Variants in INPP5F observed in about 807,000 individuals in gnomAD.
INPP5F encodes phosphatidylinositide 4-phosphatase SAC2.
A neutral mutation model predicts 137.2 loss-of-function variants in INPP5F; 97 were observed. That is an observed-to-expected ratio of 0.71 (90% CI 0.60 to 0.84). The LOEUF (loss-of-function observed/expected upper bound fraction) is 0.84. Among genes scored for constraint, INPP5F ranks in the 40% least tolerant of loss-of-function variants. The pLI, the probability that INPP5F is intolerant of heterozygous loss-of-function variation, is 0.00. For missense variants in INPP5F, 1,271 were observed against 1,371.9 expected (o/e 0.93, Z 1.16); for synonymous variants, 504 against 476.9 (o/e 1.06, Z -0.74).
intron 3 of INPP5F, among the ~76,000 whole-genome samples, chr10:119,782,956 A>G (rs551176597): frequency 8.7e-4 from 133 of 152,350 alleles, no homozygotes; most frequent in African/African-American, 3.1e-3. Flanking sequence ...TTATGCTTCA[A>G]ATGTCACTGG....
chr10:119,827,492 A>G lies in INPP5F; in HGVS notation c.3111A>G (p.Gln1037=). The G allele has an allele frequency of 6.2e-7, 1 of 1,614,184 alleles. No individual in the cohort carries two copies. The highest frequency in any genetic ancestry group is 8.5e-7 in the Non-Finnish European group (1 of 1,180,030). ...SVEPAHSVAS[Q]KTPTSASSML... ...AGCCAGCGCATTCAGTTGCATCTCA[A>G]AAAACCCCCACCTCCGCTTCCAGCA... The change falls in exon 20 of 20, where the codon CAA becomes CAG. Residue 1037 remains glutamine, a synonymous_variant. Coordinates refer to ENST00000650623, the MANE Select transcript of INPP5F (RefSeq NM_014937.4).
chr10:119,818,498 G>A (rs1851384512), intron 15 of INPP5F, among the ~76,000 whole-genome samples: 1 of 152,224 alleles, frequency 6.6e-6, no homozygotes, highest in African/African-American at 2.4e-5. Context: ...CGCAGGCACT[G>A]TCCCTGACGA....
chr10:119,788,369 G>C (rs973150528), intron 3 of INPP5F, among the ~76,000 whole-genome samples: 2 of 152,114 alleles, frequency 1.3e-5, no homozygotes, highest in Admixed American at 6.5e-5. Context: ...AGAGAGTTAA[G>C]GGTAGAACAC....
At chr10:119,794,712 C>T (rs1850272538) in intron 6 of INPP5F, among the ~76,000 whole-genome samples, 1 of 148,270 alleles carries the variant, frequency 6.7e-6, no homozygotes, top group Non-Finnish European at 1.5e-5. Context: ...CCCCCACCTC[C>T]CTCCCGGACG....
intron 9 of INPP5F, among the ~76,000 whole-genome samples, chr10:119,798,857 C>A (rs1850485591): frequency 7.1e-6 from 1 of 139,998 alleles, no homozygotes; most frequent in Non-Finnish European, 1.5e-5. Flanking sequence ...ACTCAAACTG[C>A]TGGGCTCAAG....
chr10:119,810,101 G>T lies in INPP5F; in HGVS notation c.1571G>T (p.Gly524Val). ...TCAAAATCAGTTTTTGTTTGACAGG[G>T]TGACTTTACAAGGACAGGAGAAAGG... ...RQYAGTAALK[G>V]DFTRTGERKL... Residue 524 changes from glycine to valine, a missense_variant and splice_region_variant, in exon 14 of 20, where the codon GGT (glycine) becomes GTT (valine). Physicochemically the swap from Gly to Val is moderately radical, Grantham distance 109. Transcript: ENST00000650623. The T allele has an allele frequency of 6.3e-7, 1 of 1,592,454 alleles. No homozygotes were observed. Among genetic ancestry groups the T allele is most frequent in the South Asian group, 1.1e-5 (1 of 89,708 alleles).
chr10:119,792,135 A>G (rs189429641), intron 5 of INPP5F, 22 bp from the exon 6 acceptor site: 569 of 1,614,102 alleles, frequency 3.5e-4, no homozygotes, highest in African/African-American at 8.9e-4. Context: ...TTTCTGAACT[A>G]TTGTTCCTGC....
chr10:119,768,791 C>T (rs1007335263), intron 2 of INPP5F, among the ~76,000 whole-genome samples: 2 of 152,194 alleles, frequency 1.3e-5, no homozygotes, highest in Non-Finnish European at 2.9e-5. Context: ...ACCTTCTCTT[C>T]CTTTTTACCC....
intron 2 of INPP5F, among the ~76,000 whole-genome samples, chr10:119,772,196 CCTAT>C (rs1389759783): frequency 6.6e-6 from 1 of 151,852 alleles, no homozygotes; most frequent in African/African-American, 2.4e-5. Context: ...CTGCACCTGA[CCTAT>C]CTTTTTTTAC....
In INPP5F at chr10:119,826,771, T is replaced by C. The variant is rs1173325313; in HGVS notation, c.2390T>C (p.Ile797Thr). ...KVKQTKSNVN[I>T]GNLRKLGNFT... is the part of the protein sequence containing the mutation. ...AAGCAGACCAAATCCAATGTAAATA[T>C]TGGCAACCTCCGAAAGCTAGGAAAC... The change falls in exon 20 of 20, where the codon ATT becomes ACT. Residue 797 changes from isoleucine (I) to threonine (T), a missense_variant. This residue lies in a region of INPP5F where 490 missense variants were observed against 443.7 expected (regional missense o/e 1.10). Transcript: ENST00000650623. 1 of 1,613,950 alleles carries C rather than the reference T, an allele frequency of 6.2e-7. No individual in the cohort carries two copies. The highest frequency in any genetic ancestry group is 8.5e-7 in the Non-Finnish European group (1 of 1,179,972).
chr10:119,737,465 C>T (rs1848249517), intron 1 of INPP5F, among the ~76,000 whole-genome samples: 1 of 152,150 alleles, frequency 6.6e-6, no homozygotes, highest in Admixed American at 6.5e-5. Context: ...GGGCCCCGCC[C>T]TAACCAATTG....
intron 1 of INPP5F, 144 bp from the exon 2 acceptor site, chr10:119,750,932 A>T (rs1848674453): frequency 1.6e-6 from 1 of 637,362 alleles, no homozygotes; most frequent in Admixed American, 2.7e-5. Context: ...TTTGTCACAA[A>T]TTGCTTTATG....
chr10:119,823,900 G>GA lies in INPP5F; in HGVS notation c.2248dup (p.Arg750LysfsTer5). The GA allele has an allele frequency of 6.2e-7, 1 of 1,609,462 alleles. No homozygotes were observed. Among genetic ancestry groups the GA allele is most frequent in the Non-Finnish European group, 8.5e-7 (1 of 1,175,910 alleles). ...TACCCATAATTGAGAAGAAACTTGA[G>GA]AGGTGAGTATACTGCTTCTCTCAAG... On this transcript the variant is annotated frameshift_variant and splice_region_variant, in exon 19 of 20. Transcript: ENST00000650623. LOFTEE classifies it high-confidence loss of function.
chr10:119,821,021 A>G (rs1851539953), intron 16 of INPP5F, 104 bp downstream of exon 16: 1 of 733,184 alleles, frequency 1.4e-6, no homozygotes, highest in African/African-American at 1.8e-5. Context: ...TGGTTTTGTT[A>G]TGTATTTTAT....
chr10:119,803,268 A>T (rs1048578841), intron 9 of INPP5F, among the ~76,000 whole-genome samples: 1 of 152,240 alleles, frequency 6.6e-6, no homozygotes, highest in Non-Finnish European at 1.5e-5. Context: ...TATTATCATT[A>T]GAAAAACTAT....
chr10:119,726,887 A>T (rs1430242639), intron 1 of INPP5F, among the ~76,000 whole-genome samples: 1 of 152,128 alleles, frequency 6.6e-6, no homozygotes, highest in Non-Finnish European at 1.5e-5. Flanking sequence ...CCTCATAGGC[A>T]CTCGGTTTAA....
intron 1 of INPP5F, among the ~76,000 whole-genome samples, chr10:119,729,415 G>A (rs1485386156): frequency 6.6e-6 from 1 of 152,078 alleles, no homozygotes; most frequent in African/African-American, 2.4e-5. Context: ...CCAAAGTACT[G>A]GGATTATAGG....
chr10:119,799,975 A>G (rs937447291), intron 9 of INPP5F, among the ~76,000 whole-genome samples: 1 of 152,010 alleles, frequency 6.6e-6, no homozygotes, highest in African/African-American at 2.4e-5. Flanking sequence ...TTTAAAAAAC[A>G]CTCTAATGAA....
rs374167472 is a variant in INPP5F at position 119,781,622 on chromosome 10, T to C, written c.179-13T>C. The stretch of plus-strand genomic sequence containing the variant: ...TAAAAACGCCAGACTTTATTATGAC[T>C]CTCCTCTTTCAGATCTTCCATGGTG... On this transcript the variant is annotated splice_polypyrimidine_tract_variant and intron_variant, in intron 2 of 19. Transcript: ENST00000650623. The C allele has an allele frequency of 1.5e-4, 239 of 1,599,128 alleles. No homozygotes were observed. The highest frequency in any genetic ancestry group is 2.0e-4 in the Non-Finnish European group (229 of 1,170,608).
Sources: allele counts gnomAD v4.1 joint callset (sites outside exome capture counted in the v4.1 genomes callset), GRCh38; gene constraint gnomAD v4.1.1; regional missense constraint gnomAD v4.1.1; transcripts MANE v1.5; gene names NCBI Gene and HGNC (gene_info 2026-07-23, HGNC 2026-07-21).